The following MPZL3 variants were observed in gnomAD, a reference collection of about 807,000 sequenced individuals.
The protein encoded by MPZL3 is myelin protein zero like 3, also known as myelin protein zero-like protein 3.
In MPZL3, 23 loss-of-function variants were observed where a neutral mutation model predicts 24.8. The ratio of observed to expected loss-of-function variants is 0.93; its 90% CI spans 0.67 to 1.31. MPZL3 has a LOEUF of 1.31. MPZL3 is among the 40% of genes most tolerant of loss of function. MPZL3 has a pLI of 0.00. For synonymous variants in MPZL3, 99 were observed against 106.5 expected (o/e 0.93, Z 0.44); for missense variants, 277 against 294.9 (o/e 0.94, Z 0.44).
chr11:118,233,357 A>G, intron 5 of MPZL3, 103 bp downstream of exon 5: 1 of 1,299,680 alleles, frequency 7.7e-7, no homozygotes, highest in Non-Finnish European at 1.1e-6. Context: ...GCTTGGACCT[A>G]CCTGCATATC....
chr11:118,241,643 T>C (rs1439172914), intron 1 of MPZL3, among the ~76,000 whole-genome samples: 9 of 152,342 alleles, frequency 5.9e-5, no homozygotes, highest in African/African-American at 2.2e-4. Flanking sequence ...ATTGTCATTA[T>C]TGCCACCTCT....
At chr11:118,240,189 T>C in intron 2 of MPZL3, 22 bp downstream of exon 2, 5 of 1,512,310 alleles carry the variant, frequency 3.3e-6, no homozygotes, top group South Asian at 1.3e-5. Flanking sequence ...CAAAGGAACA[T>C]TCCGAAAAAG....
In MPZL3 at chr11:118,240,252, C is replaced by T. The variant is rs1444154739; in HGVS notation, c.199G>A (p.Asp67Asn). ...CTGCTGGGAGGGCGATATGTCCAGT[C>T]TATAGTAAGTTTGTCAGTGACATCT... ...TSDVTDKLTI[D>N]WTYRPPSSSH... is the part of the protein sequence containing the mutation. The change falls in exon 2 of 6, where the codon GAC becomes AAC. Residue 67 changes from aspartate to asparagine, a missense_variant. Transcript: ENST00000278949. 6.3e-7 allele frequency: 1 copy of T among 1,597,966 alleles called. No individual in the cohort carries two copies. Among genetic ancestry groups the T allele is most frequent in the Non-Finnish European group, 8.5e-7 (1 of 1,174,590 alleles).
At position 118,252,242 on chromosome 11, in the gene MPZL3, A is replaced by G. The variant is rs749564594; in HGVS notation, c.53T>C (p.Leu18Pro). ...CTCACCCTGGAAGAACAGGACGCCC[A>G]GCAGAGGGAAGAGAGCGCAGCCACG... ...GSRGCALFPL[L>P]GVLFFQGVYI... Residue 18 changes from leucine (L) to proline (P), a missense_variant, in exon 1 of 6, where the codon CTG (leucine) becomes CCG (proline). Transcript: ENST00000278949. 5.0e-6 allele frequency: 8 copies of G among 1,613,958 alleles called. No homozygotes were observed. The highest frequency in any genetic ancestry group is 6.8e-6 in the Non-Finnish European group (8 of 1,179,990).
intron 1 of MPZL3, among the ~76,000 whole-genome samples, chr11:118,244,339 C>T (rs1949532497): frequency 1.3e-5 from 2 of 152,060 alleles, no homozygotes; most frequent in African/African-American, 4.8e-5. Flanking sequence ...ATCATAAAGA[C>T]AAATGCATAA....
At position 118,228,107 on chromosome 11, in the gene MPZL3, G is replaced by C. The variant is rs1177216277; in HGVS notation, c.*1787C>G. On this transcript the variant is annotated 3_prime_UTR_variant, in exon 6 of 6. Coordinates refer to ENST00000278949, the MANE Select transcript of MPZL3 (RefSeq NM_198275.3). Reference sequence around the variant, plus strand: ...GCCCTTCTACTTCCTCGCGTGACCAGAGTCAAATCACAATGTCCTTCAACT... The same window carrying C: ...GCCCTTCTACTTCCTCGCGTGACCACAGTCAAATCACAATGTCCTTCAACT... 1 of 152,160 alleles carries C rather than the reference G, an allele frequency of 6.6e-6. No homozygotes were observed. Among genetic ancestry groups the C allele is most frequent in the East Asian group, 1.9e-4 (1 of 5,200 alleles). 9.4% of individuals were successfully genotyped at this position (152,160 alleles called of 1,614,324 possible).
At chr11:118,239,681 C>T (rs1793143) in intron 2 of MPZL3, among the ~76,000 whole-genome samples, 13,770 of 152,138 alleles carry the variant, frequency 0.091, 2,084 homozygotes, top group African/African-American at 0.31. Flanking sequence ...GTCACCAACA[C>T]GAGGTGCCAC....
chr11:118,240,732 G>GACACACAC lies in MPZL3; in HGVS notation c.74-363_74-356dup, dbSNP rs56100329. ...CACCCATCCCCTTCCATCCCCCGCA[G>GACACACAC]ACACACACACACACACACACACACA... On this transcript the variant is annotated intron_variant, in intron 1 of 5. Coordinates refer to ENST00000278949, the MANE Select transcript of MPZL3 (RefSeq NM_198275.3). Among the ~76,000 whole-genome samples, 168 of 121,612 alleles carry GACACACAC rather than the reference G, an allele frequency of 1.4e-3. 1 individual carries two copies. The highest frequency in any genetic ancestry group is 1.6e-3 in the Non-Finnish European group (94 of 58,086). The allele number at this position is 121,612 out of a possible 152,430, so 79.8% of individuals were successfully genotyped here.
intron 4 of MPZL3, among the ~76,000 whole-genome samples, chr11:118,234,333 A>C (rs1565491889): frequency 6.6e-6 from 1 of 152,196 alleles, no homozygotes; most frequent in Non-Finnish European, 1.5e-5. Flanking sequence ...GCAAAGAGTG[A>C]GGAGTGACTA....
rs1949630419 is a variant in MPZL3 at position 118,252,267 on chromosome 11, G to T, written c.28C>A (p.Arg10Ser). The change falls in exon 1 of 6, where the codon CGT becomes AGT. Residue 10 changes from arginine (R) to serine (S), a missense_variant. By Grantham distance (110) the Arg-to-Ser change is moderately radical. Coordinates refer to ENST00000278949, the MANE Select transcript of MPZL3 (RefSeq NM_198275.3). MQQRGAAGS[R>S]GCALFPLLGV... Reference sequence around the variant, plus strand: ...AGCAGAGGGAAGAGAGCGCAGCCACGGCTTCCAGCTGCTCCTCTCTGCTGC... The same window carrying T: ...AGCAGAGGGAAGAGAGCGCAGCCACTGCTTCCAGCTGCTCCTCTCTGCTGC... 1 of 1,613,854 alleles carries T rather than the reference G, an allele frequency of 6.2e-7. No homozygotes were observed. The highest frequency in any genetic ancestry group is 1.1e-5 in the South Asian group (1 of 91,072).
chr11:118,233,613 C>A, intron 4 of MPZL3, 90 bp from the exon 5 acceptor site: 1 of 1,363,884 alleles, frequency 7.3e-7, no homozygotes, highest in South Asian at 1.2e-5. Context: ...TCAGACAGGT[C>A]TGGTTTTAGA....
intron 1 of MPZL3, among the ~76,000 whole-genome samples, chr11:118,245,901 A>G (rs560559100): frequency 6.6e-6 from 1 of 152,358 alleles, no homozygotes; most frequent in African/African-American, 2.4e-5. Context: ...GCAGAATTGA[A>G]TAGTTGCCCC....
chr11:118,241,399 C>T (rs7114801), intron 1 of MPZL3, among the ~76,000 whole-genome samples: 6,863 of 152,246 alleles, frequency 0.045, 537 homozygotes, highest in African/African-American at 0.15. Flanking sequence ...ATTGAGCACG[C>T]AGGCCACGGC....
chr11:118,251,094 T>C (rs1949615157), intron 1 of MPZL3, among the ~76,000 whole-genome samples: 1 of 150,388 alleles, frequency 6.6e-6, no homozygotes, highest in Non-Finnish European at 1.5e-5. Flanking sequence ...TGTGTGTGTG[T>C]GTGTGTGTGT....
chr11:118,244,280 T>C (rs1327954461), intron 1 of MPZL3, among the ~76,000 whole-genome samples: 1 of 152,162 alleles, frequency 6.6e-6, no homozygotes, highest in Non-Finnish European at 1.5e-5. Context: ...ATAAATACAC[T>C]CCCTTGTATA....
At chr11:118,247,776 T>C (rs1215652375) in intron 1 of MPZL3, among the ~76,000 whole-genome samples, 1 of 151,790 alleles carries the variant, frequency 6.6e-6, no homozygotes, top group Non-Finnish European at 1.5e-5. Flanking sequence ...GCCCGGTTTA[T>C]GCACCTCTCT....
chr11:118,242,080 A>T (rs894993453), intron 1 of MPZL3, among the ~76,000 whole-genome samples: 1 of 151,986 alleles, frequency 6.6e-6, no homozygotes, highest in Non-Finnish European at 1.5e-5. Flanking sequence ...GACAATCTAC[A>T]CTCTCCCCAT....
intron 1 of MPZL3, 137 bp downstream of exon 1, chr11:118,252,085 A>C: frequency 1.2e-6 from 1 of 811,148 alleles, no homozygotes; most frequent in Non-Finnish European, 2.1e-6. Context: ...CATCGTCCCA[A>C]CGTCCCGCTC....
At chr11:118,250,338 C>T (rs924798810) in intron 1 of MPZL3, among the ~76,000 whole-genome samples, 1 of 151,726 alleles carries the variant, frequency 6.6e-6, no homozygotes, top group African/African-American at 2.4e-5. Flanking sequence ...CCAGAATAGG[C>T]AAATCAATAG....
Sources: allele counts gnomAD v4.1 joint callset (sites outside exome capture counted in the v4.1 genomes callset), GRCh38; gene constraint gnomAD v4.1.1; transcripts MANE v1.5; gene names NCBI Gene and HGNC (gene_info 2026-07-23, HGNC 2026-07-21).